The following MBTD1 variants were observed in gnomAD, a reference collection of about 807,000 sequenced individuals.
The protein encoded by MBTD1 is MBT domain-containing protein 1.
A neutral mutation model predicts 87.8 loss-of-function variants in MBTD1; 24 were observed. The ratio of observed to expected loss-of-function variants is 0.27; its 90% confidence interval spans 0.20 to 0.38. The LOEUF is 0.38. Ranked by LOEUF, MBTD1 falls within the 10% of genes least tolerant of loss-of-function variation. The probability of loss-of-function intolerance (pLI) is 1.00; values close to 1 mark genes in which losing one functional copy is unlikely to be tolerated. For synonymous variants in MBTD1, 237 were observed against 248.6 expected (o/e 0.95, Z 0.44); for missense variants, 436 against 760.2 (o/e 0.57, Z 5.02).
intron 13 of MBTD1, among the ~76,000 whole-genome samples, chr17:51,193,752 G>A (rs1020350960): frequency 6.6e-6 from 1 of 152,150 alleles, no homozygotes; most frequent in African/African-American, 2.4e-5. Context: ...TCTAGTAGCT[G>A]GGACTACAGG....
intron 3 of MBTD1, among the ~76,000 whole-genome samples, chr17:51,222,097 T>A (rs970880255): frequency 5.3e-5 from 8 of 152,330 alleles, no homozygotes; most frequent in Middle Eastern, 3.4e-3. Context: ...AGTGAATCTT[T>A]GCCAGAAATT....
At chr17:51,217,759 C>T (rs2052652421) in intron 5 of MBTD1, among the ~76,000 whole-genome samples, 1 of 152,158 alleles carries the variant, frequency 6.6e-6, no homozygotes, top group East Asian at 1.9e-4. Context: ...CAGGTGCATG[C>T]CACCACACCC....
intron 16 of MBTD1, chr17:51,185,820 A>G (rs2050510081): frequency 6.6e-6 from 1 of 152,258 alleles, no homozygotes; most frequent in African/African-American, 2.4e-5. Context: ...GAAGTATTTT[A>G]TAACAAAGTA....
intron 2 of MBTD1, among the ~76,000 whole-genome samples, chr17:51,241,509 G>A (rs760892986): frequency 6.6e-6 from 1 of 152,052 alleles, no homozygotes; most frequent in African/African-American, 2.4e-5. Context: ...CTAAGAAACA[G>A]CTCTCTTTTT....
intron 16 of MBTD1, among the ~76,000 whole-genome samples, chr17:51,191,258 TTC>T (rs1191871586): frequency 1.6e-5 from 2 of 122,016 alleles, no homozygotes; most frequent in South Asian, 2.4e-4. Context: ...TAGAAAGAAT[TTC>T]TTTTTTTTTT....
chr17:51,210,214 C>T (rs1202214118), intron 6 of MBTD1, among the ~76,000 whole-genome samples: 2 of 152,044 alleles, frequency 1.3e-5, no homozygotes, highest in Non-Finnish European at 2.9e-5. Context: ...TGTTCTCTAA[C>T]TTGTGACCTC....
At position 51,246,368 on chromosome 17, in the gene MBTD1, T is replaced by G. The variant is rs574190224; in HGVS notation, c.-49+12775A>C. On this transcript the variant is annotated intron_variant, in intron 2 of 16. Coordinates refer to ENST00000586178, the MANE Select transcript of MBTD1 (RefSeq NM_017643.3). Reference sequence around the variant, plus strand: ...GTGGTTATCTGTGGTGTCATGTCCATGCTCAAAGAGTTTCAAATTTTGGAG... The same window carrying G: ...GTGGTTATCTGTGGTGTCATGTCCAGGCTCAAAGAGTTTCAAATTTTGGAG... Among the ~76,000 whole-genome samples, 89 of 152,348 alleles carry G rather than the reference T, an allele frequency of 5.8e-4. 1 individual carries two copies. The South Asian group carries it at 0.018, about 30-fold the overall frequency.
chr17:51,218,529 CAAAAA>C (rs58563366), intron 5 of MBTD1, among the ~76,000 whole-genome samples: 4 of 110,676 alleles, frequency 3.6e-5, no homozygotes, highest in Admixed American at 1.9e-4. Context: ...ACTCTGTCTC[CAAAAA>C]AAAAAAAAAA....
intron 7 of MBTD1, among the ~76,000 whole-genome samples, chr17:51,206,411 A>C (rs964062608): frequency 6.6e-6 from 1 of 152,146 alleles, no homozygotes; most frequent in Admixed American, 6.6e-5. Flanking sequence ...GCCAGCTCTT[A>C]CCACTTTTTT....
At chr17:51,197,348 T>C (rs999079961) in intron 12 of MBTD1, among the ~76,000 whole-genome samples, 1 of 151,632 alleles carries the variant, frequency 6.6e-6, no homozygotes, top group Non-Finnish European at 1.5e-5. Flanking sequence ...GTGATTCTCC[T>C]GCCTCTGCCT....
intron 2 of MBTD1, among the ~76,000 whole-genome samples, chr17:51,236,104 A>G (rs1598404685): frequency 1.3e-5 from 2 of 152,166 alleles, no homozygotes; most frequent in East Asian, 3.9e-4. Flanking sequence ...CTATAGATTT[A>G]CATACCTATA....
chr17:51,222,459 C>T (rs2052961570), intron 3 of MBTD1, among the ~76,000 whole-genome samples: 1 of 152,200 alleles, frequency 6.6e-6, no homozygotes, highest in Admixed American at 6.5e-5. Flanking sequence ...GGCTGGAGTG[C>T]AGTGGCACCA....
At chr17:51,239,761 CA>C (rs374791854) in intron 2 of MBTD1, among the ~76,000 whole-genome samples, 1,525 of 150,110 alleles carry the variant, frequency 0.01, 38 homozygotes, top group African/African-American at 0.035. Context: ...AAGCAAAAAA[CA>C]AAAAAAACAA....
intron 2 of MBTD1, among the ~76,000 whole-genome samples, chr17:51,228,673 G>A (rs1019152384): frequency 2.0e-5 from 3 of 151,706 alleles, no homozygotes; most frequent in East Asian, 1.9e-4. Flanking sequence ...CACTTTGGGA[G>A]GCTGAGGTCA....
In MBTD1 at chr17:51,203,656, C is replaced by A. The variant is rs1257317189; in HGVS notation, c.739+135G>T. On this transcript the variant is annotated intron_variant, in intron 8 of 16. Transcript: ENST00000586178. ...AAGTGATCCGACTGCCTTGGCCTCC[C>A]AAAGTGCTGGGATTACAGGTGTGAG... is the stretch of plus-strand genomic sequence containing the variant. 6 of 941,348 alleles carry A rather than the reference C, an allele frequency of 6.4e-6. No homozygotes were observed. In the African/African-American group the frequency reaches 8.4e-5, roughly 13 times the overall value. 58.3% of individuals were successfully genotyped at this position (941,348 alleles called of 1,614,324 possible). A position where few individuals can be genotyped will look rare whatever the true frequency, so the allele number is the denominator to read the frequency against.
intron 14 of MBTD1, 48 bp from the exon 15 acceptor site, chr17:51,193,064 G>A (rs2050888024): frequency 2.3e-6 from 3 of 1,299,924 alleles, no homozygotes; most frequent in Non-Finnish European, 3.3e-6. Context: ...AAGAAAGAAT[G>A]CACAACCCTA....
chr17:51,240,111 A>C (rs535362662), intron 2 of MBTD1, among the ~76,000 whole-genome samples: 3 of 152,162 alleles, frequency 2.0e-5, no homozygotes, highest in African/African-American at 7.2e-5. Context: ...CTATAAATCT[A>C]TAACTGTTCT....
At chr17:51,184,767 T>C (rs1322541044) in intron 16 of MBTD1, 1 of 152,160 alleles carries the variant, frequency 6.6e-6, no homozygotes, top group Non-Finnish European at 1.5e-5. Context: ...GAACTCACAA[T>C]ATCCATACTT....
intron 2 of MBTD1, among the ~76,000 whole-genome samples, chr17:51,242,306 T>C (rs2054204010): frequency 6.6e-6 from 1 of 152,196 alleles, no homozygotes; most frequent in African/African-American, 2.4e-5. Flanking sequence ...GGTTTTTTTC[T>C]CACTTTCCCA....
Sources: gnomAD v4.1 joint callset for allele counts (sites outside exome capture counted in the v4.1 genomes callset) on GRCh38, gnomAD v4.1.1 for gene constraint, MANE v1.5 for transcripts, NCBI Gene and HGNC (gene_info 2026-07-23, HGNC 2026-07-21) for gene names.